The following CLCN6 variants were observed in gnomAD, a reference collection of about 807,000 sequenced individuals.
CLCN6 encodes H(+)/Cl(-) exchange transporter 6.
Under a neutral mutation model 109.8 loss-of-function variants are expected in CLCN6, and 70 were observed. The observed-to-expected ratio is 0.64, with a 90% CI of 0.53 to 0.78. The LOEUF (loss-of-function observed/expected upper bound fraction) is 0.78. CLCN6 is among the 30% of genes least tolerant of loss of function. The pLI, the probability that CLCN6 is intolerant of heterozygous loss-of-function variation, is 0.00. For missense variants in CLCN6, 984 were observed against 1,142.3 expected (o/e 0.86, Z 2.00); for synonymous variants, 444 against 447.8 (o/e 0.99, Z 0.11).
chr1:11,831,895 G>A (rs953107796), intron 13 of CLCN6, among the ~76,000 whole-genome samples: 3 of 152,126 alleles, frequency 2.0e-5, no homozygotes, highest in Non-Finnish European at 4.4e-5. Context: ...GGCTGGTCTC[G>A]AACTTCTGGC....
At chr1:11,809,749 C>T (rs116276741) in intron 2 of CLCN6, among the ~76,000 whole-genome samples, 1,990 of 152,322 alleles carry the variant, frequency 0.013, 16 homozygotes, top group Non-Finnish European at 0.02. Flanking sequence ...TGAGCCACCA[C>T]GCGTGGCCAT....
At chr1:11,833,398 T>C (rs564866185) in intron 13 of CLCN6, 117 bp from the exon 14 acceptor site, 39 of 966,968 alleles carry the variant, frequency 4.0e-5, no homozygotes, top group Non-Finnish European at 6.0e-5. Flanking sequence ...GTTTTTGGCC[T>C]GTTTGATTGA....
rs376468817 is a variant in CLCN6 at position 11,833,929 on chromosome 1, T to G, written c.1425T>G (p.Leu475=). The G allele has an allele frequency of 6.2e-7, 1 of 1,613,944 alleles. No homozygotes were observed. The highest frequency in any genetic ancestry group is 8.5e-7 in the Non-Finnish European group (1 of 1,179,992). Residue 475 remains leucine (L), a synonymous_variant, in exon 15 of 23, where the codon CTT becomes CTG. Coordinates refer to ENST00000346436, the MANE Select transcript of CLCN6 (RefSeq NM_001286.5). ...TGTTCTTCGTTCTCTATTTCTTGCT[T>G]GCATGTTGGACTTACGGCATTTCTG... The part of the protein sequence containing the change: ...LALFFVLYFL[L]ACWTYGISVP...
At chr1:11,810,043 G>A (rs181595722) in intron 2 of CLCN6, among the ~76,000 whole-genome samples, 3 of 152,278 alleles carry the variant, frequency 2.0e-5, no homozygotes, top group African/African-American at 7.2e-5. Flanking sequence ...AAAAACGTGG[G>A]TAAGGATGTA....
chr1:11,820,262 T>G, intron 5 of CLCN6: 1 of 650,012 alleles, frequency 1.5e-6, no homozygotes, highest in Non-Finnish European at 2.9e-6. Flanking sequence ...TGACTGTGCC[T>G]GGGCAGCATA....
In CLCN6 at chr1:11,819,574, T is replaced by C. The variant is rs187637470; in HGVS notation, c.346+20T>C. The C allele has an allele frequency of 1.3e-5, 21 of 1,605,914 alleles. No homozygotes were observed. In the Admixed American group the frequency reaches 3.5e-4, roughly 27 times the overall value. On this transcript the variant is annotated intron_variant, in intron 5 of 22. Coordinates refer to ENST00000346436, the MANE Select transcript of CLCN6 (RefSeq NM_001286.5). ...AGACATGTATCCTTTTCACGGTTCCTGGTGTTCGTGGACTTCAGTGGTCAC... is the reference window on the plus strand; with the variant it reads ...AGACATGTATCCTTTTCACGGTTCCCGGTGTTCGTGGACTTCAGTGGTCAC...
At chr1:11,822,491 C>T (rs1644758631) in intron 5 of CLCN6, among the ~76,000 whole-genome samples, 1 of 152,182 alleles carries the variant, frequency 6.6e-6, no homozygotes, top group Non-Finnish European at 1.5e-5. Flanking sequence ...GATCCTCCTG[C>T]CTCAGCCTCC....
chr1:11,822,577 G>T, intron 5 of CLCN6, 118 bp from the exon 6 acceptor site: 1 of 614,928 alleles, frequency 1.6e-6, no homozygotes, highest in Non-Finnish European at 2.9e-6. Context: ...TTTATATATA[G>T]AGAAAAAGTG....
At chr1:11,824,426 C>T in intron 7 of CLCN6, 60 bp from the exon 8 acceptor site, 2 of 1,417,370 alleles carry the variant, frequency 1.4e-6, no homozygotes, top group Non-Finnish European at 2.0e-6. Flanking sequence ...TAGCCAAGGT[C>T]TCCTGACCCA....
chr1:11,828,813 G>A (rs538067372), intron 12 of CLCN6, among the ~76,000 whole-genome samples, 189 bp downstream of exon 12: 1 of 152,294 alleles, frequency 6.6e-6, no homozygotes, highest in African/African-American at 2.4e-5. Context: ...CTTAATTGAT[G>A]TCAGAGTTGC....
intron 13 of CLCN6, chr1:11,829,790 A>G (rs561208749): frequency 2.0e-4 from 33 of 165,528 alleles, no homozygotes; most frequent in Middle Eastern, 6.2e-3. Flanking sequence ...ACCTGGGAAC[A>G]ACCCTGGCAT....
intron 4 of CLCN6, 102 bp downstream of exon 4, chr1:11,816,782 A>G (rs1356170961): frequency 1.3e-6 from 1 of 744,618 alleles, no homozygotes; most frequent in African/African-American, 1.8e-5. Flanking sequence ...TCATTATAAC[A>G]TTTATAACAT....
Position 11,806,292 on chromosome 1 carries a change from C to T in CLCN6, c.30C>T (p.Cys10=), listed in dbSNP as rs371115668. 67 of 1,507,864 alleles carry T rather than the reference C, an allele frequency of 4.4e-5. No homozygotes were observed. The highest frequency in any genetic ancestry group is 5.6e-5 in the Non-Finnish European group (64 of 1,139,306). 93.4% of individuals were successfully genotyped at this position (1,507,864 alleles called of 1,614,324 possible). Residue 10 remains cysteine, a synonymous_variant, in exon 1 of 23, where the codon TGC becomes TGT. Coordinates refer to ENST00000346436, the MANE Select transcript of CLCN6 (RefSeq NM_001286.5). ...CGGGGTGCAGGGGGTCTCTGTGCTG[C>T]TGCTGCAGGTGGTGCTGCTGCTGCG... MAGCRGSLC[C]CCRWCCCCGE...
chr1:11,823,698 C>T lies in CLCN6; in HGVS notation c.454-9C>T. On this transcript the variant is annotated splice_polypyrimidine_tract_variant and intron_variant, in intron 6 of 22. Transcript: ENST00000346436. Reference sequence around the variant, plus strand: ...TCGAGTTATGGGTGTGCCTGCTCTCCTCCATCAGCCGGTGGCAGCAGGTTC... The same window carrying T: ...TCGAGTTATGGGTGTGCCTGCTCTCTTCCATCAGCCGGTGGCAGCAGGTTC... The T allele has an allele frequency of 2.5e-6, 4 of 1,614,132 alleles. No homozygotes were observed. Among genetic ancestry groups the T allele is most frequent in the Non-Finnish European group, 3.4e-6 (4 of 1,179,974 alleles).
At chr1:11,808,987 G>A (rs370855684) in intron 2 of CLCN6, among the ~76,000 whole-genome samples, 141 of 151,748 alleles carry the variant, frequency 9.3e-4, no homozygotes, top group African/African-American at 2.6e-3. Context: ...CCAGCCTCCC[G>A]AGTAGATGGG....
At chr1:11,822,057 G>C (rs187977686) in intron 5 of CLCN6, among the ~76,000 whole-genome samples, 17 of 151,986 alleles carry the variant, frequency 1.1e-4, no homozygotes, top group African/African-American at 3.1e-4. Context: ...GTTTCTCCCA[G>C]GGGAGAGAGG....
At chr1:11,810,237 G>T (rs1374015886) in intron 2 of CLCN6, among the ~76,000 whole-genome samples, 1 of 151,994 alleles carries the variant, frequency 6.6e-6, no homozygotes, top group African/African-American at 2.4e-5. Flanking sequence ...ATAAATTTAG[G>T]GTCTTACAAA....
At chr1:11,807,544 G>A (rs1038556064) in intron 2 of CLCN6, among the ~76,000 whole-genome samples, 1 of 152,230 alleles carries the variant, frequency 6.6e-6, no homozygotes, top group Admixed American at 6.5e-5. Flanking sequence ...AACTGTTAAG[G>A]AGGCCTTGCT....
At chr1:11,828,420 A>G (rs758797555) in intron 11 of CLCN6, 38 bp from the exon 12 acceptor site, 15 of 1,610,668 alleles carry the variant, frequency 9.3e-6, no homozygotes, top group Middle Eastern at 1.6e-4. Flanking sequence ...CATGGCTGCT[A>G]TGGTTTTTCT....
Sources: gnomAD v4.1 joint callset for allele counts (sites outside exome capture counted in the v4.1 genomes callset) on GRCh38, gnomAD v4.1.1 for gene constraint, MANE v1.5 for transcripts, NCBI Gene and HGNC (gene_info 2026-07-23, HGNC 2026-07-21) for gene names.